SLC49A4: variants seen among roughly 807,000 people sequenced by gnomAD.
The protein encoded by SLC49A4 is solute carrier family 49 member 4.
SLC49A4 carries 36 observed loss-of-function variants against 50.6 expected under a neutral mutation model. The ratio of observed to expected loss-of-function variants is 0.71; its 90% CI spans 0.55 to 0.94. The LOEUF (loss-of-function observed/expected upper bound fraction) is 0.94. SLC49A4 is among the 40% of genes least tolerant of loss of function. The pLI is 0.00. For missense variants in SLC49A4, 503 were observed against 605.7 expected, an observed-to-expected ratio of 0.83 and a Z score of 1.78; for synonymous variants, 248 against 241.2, an observed-to-expected ratio of 1.03 and a Z score of -0.26.
intron 2 of SLC49A4, among the ~76,000 whole-genome samples, chr3:122,807,295 G>A (rs1183585311): frequency 6.6e-6 from 1 of 152,036 alleles, no homozygotes; most frequent in Non-Finnish European, 1.5e-5. Context: ...GAGAAGTTTT[G>A]GCTGTGGGTA....
intron 5 of SLC49A4, among the ~76,000 whole-genome samples, chr3:122,853,588 G>A (rs867874939): frequency 1.3e-5 from 2 of 152,038 alleles, no homozygotes; most frequent in Non-Finnish European, 2.9e-5. Flanking sequence ...GCAAAATCCT[G>A]TCTCCACCAA....
chr3:122,854,338 C>T (rs1201546215), intron 5 of SLC49A4, among the ~76,000 whole-genome samples: 5 of 152,246 alleles, frequency 3.3e-5, no homozygotes, highest in African/African-American at 4.8e-5. Flanking sequence ...TTAGAATAGG[C>T]TATGCTCCTG....
At chr3:122,795,593 CCG>C in intron 1 of SLC49A4, 58 bp downstream of exon 1, 2 of 1,536,206 alleles carry the variant, frequency 1.3e-6, no homozygotes, top group Non-Finnish European at 1.7e-6. Flanking sequence ...AGGCGCCTGC[CCG>C]CGCTCCAGGC....
At chr3:122,816,992 G>A (rs910337505) in intron 2 of SLC49A4, among the ~76,000 whole-genome samples, 1 of 152,178 alleles carries the variant, frequency 6.6e-6, no homozygotes, top group African/African-American at 2.4e-5. Flanking sequence ...TGGGGTAATA[G>A]TTAATCATCT....
At chr3:122,870,183 T>C (rs1224265552) in intron 7 of SLC49A4, among the ~76,000 whole-genome samples, 1 of 152,060 alleles carries the variant, frequency 6.6e-6, no homozygotes, top group Admixed American at 6.5e-5. Flanking sequence ...GCTAATTCCA[T>C]TGGAATTTGG....
At chr3:122,837,214 T>A (rs1576301289) in intron 4 of SLC49A4, among the ~76,000 whole-genome samples, 1 of 152,268 alleles carries the variant, frequency 6.6e-6, no homozygotes, top group South Asian at 2.1e-4. Context: ...AAAACTACTT[T>A]AAAGTTCATA....
chr3:122,856,212 C>A, intron 5 of SLC49A4, 95 bp from the exon 6 acceptor site: 2 of 1,057,594 alleles, frequency 1.9e-6, no homozygotes, highest in Non-Finnish European at 2.8e-6. Context: ...ATCCATTTAG[C>A]TACTAACATA....
At chr3:122,839,926 C>T (rs766334372) in intron 4 of SLC49A4, among the ~76,000 whole-genome samples, 5 of 152,102 alleles carry the variant, frequency 3.3e-5, no homozygotes, top group South Asian at 4.1e-4. Flanking sequence ...ATGAAAAAGA[C>T]GTATGCACAT....
At chr3:122,870,128 T>C (rs1310690224) in intron 7 of SLC49A4, among the ~76,000 whole-genome samples, 2 of 152,144 alleles carry the variant, frequency 1.3e-5, no homozygotes, top group Non-Finnish European at 2.9e-5. Flanking sequence ...CCTTCAGAAA[T>C]AAAAATGTAG....
intron 7 of SLC49A4, among the ~76,000 whole-genome samples, chr3:122,869,708 T>G (rs1340751946): frequency 6.6e-6 from 1 of 152,246 alleles, no homozygotes; most frequent in Admixed American, 6.5e-5. Context: ...AAATTTTATC[T>G]TTCCAACGAC....
At chr3:122,856,464 C>A in intron 6 of SLC49A4, 90 bp downstream of exon 6, 1 of 1,215,578 alleles carries the variant, frequency 8.2e-7, no homozygotes, top group South Asian at 1.3e-5. Context: ...CATTACAATT[C>A]AGGGAAAAGT....
intron 8 of SLC49A4, among the ~76,000 whole-genome samples, chr3:122,875,819 A>G (rs1212269898): frequency 6.6e-6 from 1 of 152,250 alleles, no homozygotes; most frequent in Non-Finnish European, 1.5e-5. Context: ...CAAAATGACC[A>G]TAATGGAATA....
intron 4 of SLC49A4, among the ~76,000 whole-genome samples, chr3:122,841,984 G>A (rs1936777315): frequency 6.6e-6 from 1 of 152,180 alleles, no homozygotes. Context: ...GCACACATTT[G>A]TAAGATGACA....
intron 1 of SLC49A4, among the ~76,000 whole-genome samples, chr3:122,796,068 G>A (rs912427454): frequency 3.9e-5 from 6 of 152,228 alleles, no homozygotes; most frequent in Non-Finnish European, 8.8e-5. Context: ...TTTAAAATGT[G>A]TGTATGTGAC....
chr3:122,849,593 T>C (rs1395419127), intron 5 of SLC49A4, among the ~76,000 whole-genome samples: 1 of 152,228 alleles, frequency 6.6e-6, no homozygotes, highest in Non-Finnish European at 1.5e-5. Context: ...TGAACATTTC[T>C]TTTTGTATAT....
chr3:122,860,191 C>A lies in SLC49A4; in HGVS notation c.1127C>A (p.Pro376His). The change falls in exon 7 of 9, where the codon CCT becomes CAT. Residue 376 changes from proline (P) to histidine (H), a missense_variant. Physicochemically the swap from Pro to His is moderately conservative, Grantham distance 77. Transcript: ENST00000261038. The part of the protein sequence containing the change: ...LTCLNSITHL[P>H]LTTVTLYASC... ...TGTTTGAACAGCATCACACACCTAC[C>A]TTTAACCACAGGTGAGCATAGGCTA... 1 of 1,601,674 alleles carries A rather than the reference C, an allele frequency of 6.2e-7. No individual in the cohort carries two copies. Among genetic ancestry groups the A allele is most frequent in the Non-Finnish European group, 8.5e-7 (1 of 1,174,430 alleles).
chr3:122,880,467 T>C lies in SLC49A4; in HGVS notation c.*1089T>C, dbSNP rs919641670. On this transcript the variant is annotated 3_prime_UTR_variant, in exon 9 of 9. Transcript: ENST00000261038. ...CTTTTTAAGAAATAAGAGTTCCACA[T>C]TGAGTGGCTGTCAGACACAGATTTC... The C allele has an allele frequency of 5.3e-5, 8 of 152,200 alleles. No individual in the cohort carries two copies. The highest frequency in any genetic ancestry group is 1.9e-4 in the East Asian group (1 of 5,196). 9.4% of individuals were successfully genotyped at this position (152,200 alleles called of 1,614,324 possible). A position where few individuals can be genotyped will look rare whatever the true frequency, so the allele number is the denominator to read the frequency against.
At chr3:122,819,265 T>C (rs946611948) in intron 2 of SLC49A4, among the ~76,000 whole-genome samples, 3 of 119,868 alleles carry the variant, frequency 2.5e-5, no homozygotes, top group African/African-American at 8.7e-5. Context: ...AAAAAAAAAA[T>C]CCTGTGAGAC....
chr3:122,864,170 GT>G (rs1333338850), intron 7 of SLC49A4, among the ~76,000 whole-genome samples: 1 of 152,134 alleles, frequency 6.6e-6, no homozygotes, highest in Non-Finnish European at 1.5e-5. Context: ...AGAGCATACT[GT>G]TTTGATACAT....
Sources: allele counts gnomAD v4.1 joint callset (sites outside exome capture counted in the v4.1 genomes callset), GRCh38; gene constraint gnomAD v4.1.1; transcripts MANE v1.5; gene names NCBI Gene and HGNC (gene_info 2026-07-23, HGNC 2026-07-21).